The following SCHIP1 variants were observed in gnomAD, a reference collection of about 807,000 sequenced individuals.
The protein encoded by SCHIP1 is schwannomin interacting protein 1, also known as schwannomin-interacting protein 1.
SCHIP1 carries 8 observed loss-of-function variants against 29.7 expected under a neutral mutation model. The observed-to-expected ratio is 0.27, with a 90% CI of 0.16 to 0.49. The LOEUF (loss-of-function observed/expected upper bound fraction) is 0.49. SCHIP1 is among the 20% of genes least tolerant of loss of function. SCHIP1 has a pLI of 0.99. For missense variants in SCHIP1, 193 were observed against 294.6 expected, an observed-to-expected ratio of 0.66 and a Z score of 2.52; for synonymous variants, 76 against 94.9, an observed-to-expected ratio of 0.80 and a Z score of 1.16.
At chr3:159,639,942 AC>A in the SCHIP1 span, among the ~76,000 whole-genome samples, 1 of 152,358 alleles carries the variant, frequency 6.6e-6, no homozygotes, top group East Asian at 1.9e-4. Context: ...CCAGAAAAGA[AC>A]AGATATTAAA....
chr3:159,694,293 G>A, the SCHIP1 span, among the ~76,000 whole-genome samples: 1 of 151,876 alleles, frequency 6.6e-6, no homozygotes, highest in African/African-American at 2.4e-5. Flanking sequence ...GCCAAGGCGG[G>A]CACATCACCT....
the SCHIP1 span, among the ~76,000 whole-genome samples, chr3:159,516,284 T>A: frequency 6.6e-6 from 1 of 152,164 alleles, no homozygotes; most frequent in Admixed American, 6.5e-5. Flanking sequence ...GTGTCTGGAA[T>A]GAACTCCTTC....
At chr3:159,713,120 A>G in the SCHIP1 span, among the ~76,000 whole-genome samples, 1 of 150,196 alleles carries the variant, frequency 6.7e-6, no homozygotes, top group African/African-American at 2.5e-5. Context: ...GAGCCATTGC[A>G]CTCCAGCCTG....
At chr3:159,843,846 A>AAG (rs150055870) in intron 1 of SCHIP1, among the ~76,000 whole-genome samples, 68 of 140,058 alleles carry the variant, frequency 4.9e-4, no homozygotes, top group African/African-American at 1.0e-3. Context: ...AAAAAAAAAA[A>AAG]GCATTGTAAA....
At chr3:159,478,588 A>G in the SCHIP1 span, among the ~76,000 whole-genome samples, 2 of 151,968 alleles carry the variant, frequency 1.3e-5, no homozygotes, top group African/African-American at 4.8e-5. Context: ...TCATATGAAG[A>G]GTTGTATTTT....
chr3:159,852,371 T>C (rs1430879041), intron 1 of SCHIP1, among the ~76,000 whole-genome samples: 1 of 152,202 alleles, frequency 6.6e-6, no homozygotes, highest in South Asian at 2.1e-4. Flanking sequence ...AGTAGCTTTA[T>C]TTTTTGGAAA....
At chr3:159,306,566 G>A in the SCHIP1 span, 646 of 907,942 alleles carry the variant, frequency 7.1e-4, 1 homozygote, top group African/African-American at 9.5e-3. Flanking sequence ...TATACTGAGC[G>A]CCTAAAAATG....
chr3:159,755,599 A>G, the SCHIP1 span, among the ~76,000 whole-genome samples: 1 of 152,190 alleles, frequency 6.6e-6, no homozygotes, highest in Non-Finnish European at 1.5e-5. Context: ...TTCACATTTG[A>G]AAACGAATCA....
chr3:159,629,849 A>T, the SCHIP1 span, among the ~76,000 whole-genome samples: 1 of 152,224 alleles, frequency 6.6e-6, no homozygotes, highest in African/African-American at 2.4e-5. Context: ...TACAAAGACC[A>T]ATAAGGCATG....
At chr3:159,821,445 A>C in the SCHIP1 span, among the ~76,000 whole-genome samples, 1 of 152,190 alleles carries the variant, frequency 6.6e-6, no homozygotes, top group Non-Finnish European at 1.5e-5. Context: ...CCCCTTATCC[A>C]CCGAGGCACA....
chr3:159,740,064 C>T, the SCHIP1 span, among the ~76,000 whole-genome samples: 1 of 152,350 alleles, frequency 6.6e-6, no homozygotes, highest in African/African-American at 2.4e-5. Flanking sequence ...TCTCGTCTCT[C>T]CTCATAGCCA....
the SCHIP1 span, among the ~76,000 whole-genome samples, chr3:159,421,442 A>T: frequency 6.6e-6 from 1 of 152,194 alleles, no homozygotes; most frequent in Non-Finnish European, 1.5e-5. Flanking sequence ...TAAGTTCCGT[A>T]TCTGGATCTG....
At chr3:159,615,254 G>A in the SCHIP1 span, among the ~76,000 whole-genome samples, 1 of 152,204 alleles carries the variant, frequency 6.6e-6, no homozygotes, top group Non-Finnish European at 1.5e-5. Context: ...GGGAAGAGCT[G>A]GACAGGTAAC....
the SCHIP1 span, among the ~76,000 whole-genome samples, chr3:159,359,835 A>G: frequency 6.6e-6 from 1 of 152,232 alleles, no homozygotes; most frequent in Non-Finnish European, 1.5e-5. Context: ...GTAAAAGAAC[A>G]ACTCATAAAA....
At chr3:159,771,737 A>G in the SCHIP1 span, among the ~76,000 whole-genome samples, 1 of 151,502 alleles carries the variant, frequency 6.6e-6, no homozygotes, top group Admixed American at 6.6e-5. Flanking sequence ...CCACATGTAA[A>G]CAATTCTTAA....
chr3:159,735,006 G>C, the SCHIP1 span, among the ~76,000 whole-genome samples: 1 of 151,770 alleles, frequency 6.6e-6, no homozygotes, highest in African/African-American at 2.4e-5. Flanking sequence ...TCTTCCTAAA[G>C]CAAACCCACT....
At chr3:159,842,997 C>CTTTTTGTTTTTT (rs1440922016) in intron 1 of SCHIP1, among the ~76,000 whole-genome samples, 1 of 61,742 alleles carries the variant, frequency 1.6e-5, no homozygotes, top group Non-Finnish European at 3.5e-5. Context: ...CCCAATATTT[C>CTTTTTGTTTTTT]TTTCTTTTTT....
chr3:159,812,876 G>A, the SCHIP1 span, among the ~76,000 whole-genome samples: 1 of 152,198 alleles, frequency 6.6e-6, no homozygotes, highest in Non-Finnish European at 1.5e-5. Context: ...CAAGAAGCAT[G>A]GTGCTGGCAT....
At chr3:159,340,645 C>T in the SCHIP1 span, among the ~76,000 whole-genome samples, 79 of 152,252 alleles carry the variant, frequency 5.2e-4, no homozygotes, top group African/African-American at 1.9e-3. Context: ...TATTCTAAAT[C>T]TTTCAGCATT....
Sources: allele counts gnomAD v4.1 joint callset (sites outside exome capture counted in the v4.1 genomes callset), GRCh38; gene constraint gnomAD v4.1.1; transcripts MANE v1.5; gene names NCBI Gene and HGNC (gene_info 2026-07-23, HGNC 2026-07-21).